ETV6: variants seen among roughly 807,000 people sequenced by gnomAD.
The protein encoded by ETV6 is transcription factor ETV6.
A neutral mutation model predicts 51.1 loss-of-function variants in ETV6; 16 were observed. The ratio of observed to expected loss-of-function variants is 0.31; its 90% CI spans 0.21 to 0.48. The LOEUF (loss-of-function observed/expected upper bound fraction) is 0.48, where lower values mean the gene tolerates loss of function less well. Among genes scored for constraint, ETV6 ranks in the 20% least tolerant of loss-of-function variants. The probability of loss-of-function intolerance (pLI) is 0.99; values close to 1 mark genes in which losing one functional copy is unlikely to be tolerated. For missense variants in ETV6, 458 were observed against 594.8 expected, an observed-to-expected ratio of 0.77 and a Z score of 2.39; for synonymous variants, 240 against 224.1, an observed-to-expected ratio of 1.07 and a Z score of -0.64.
chr12:11,753,961 G>C (rs1391677535), intron 2 of ETV6, among the ~76,000 whole-genome samples: 2 of 152,188 alleles, frequency 1.3e-5, no homozygotes, highest in Non-Finnish European at 2.9e-5. Context: ...GAACTGTAAA[G>C]GTGCCAGGGT....
Position 11,892,209 on chromosome 12 carries a change from G to GTTTTTTTTTTTTT in ETV6, c.*1163_*1164insTTTTTTTTTTTTT, listed in dbSNP as rs1947301452. 6.3e-6 allele frequency: 1 copy of GTTTTTTTTTTTTT among 159,718 alleles called. No individual in the cohort carries two copies. Among genetic ancestry groups the GTTTTTTTTTTTTT allele is most frequent in the African/African-American group, 4.1e-5 (1 of 24,342 alleles). The allele number at this position is 159,718 out of a possible 1,614,324, so 9.9% of individuals were successfully genotyped here. A position where few individuals can be genotyped will look rare whatever the true frequency, so the allele number is the denominator to read the frequency against. On this transcript the variant is annotated 3_prime_UTR_variant, in exon 8 of 8. Transcript: ENST00000396373. ...TGTGGTCAGTTTCATGCCCTCACCT[G>GTTTTTTTTTTTTT]ATTTTTTTTTTTTTTTTTTTTTTTC...
intron 1 of ETV6, among the ~76,000 whole-genome samples, chr12:11,721,567 G>C (rs572798093): frequency 1.7e-3 from 256 of 152,248 alleles, no homozygotes; most frequent in African/African-American, 6.0e-3. Context: ...TAAACACTGT[G>C]GACTACTAGA....
At chr12:11,736,296 A>G (rs1321808002) in intron 1 of ETV6, among the ~76,000 whole-genome samples, 7 of 152,232 alleles carry the variant, frequency 4.6e-5, no homozygotes, top group African/African-American at 1.7e-4. Flanking sequence ...GCAGTCTTAA[A>G]AAACACACAC....
At chr12:11,864,155 T>A (rs914548921) in intron 4 of ETV6, among the ~76,000 whole-genome samples, 3 of 152,128 alleles carry the variant, frequency 2.0e-5, no homozygotes, top group African/African-American at 7.2e-5. Flanking sequence ...GAGAGTGAAA[T>A]CTCTCCAGGA....
chr12:11,844,238 T>A (rs1044793822), intron 3 of ETV6, among the ~76,000 whole-genome samples: 2 of 152,156 alleles, frequency 1.3e-5, no homozygotes, highest in African/African-American at 4.8e-5. Context: ...CACAAGTTAT[T>A]ATCAATTTAA....
chr12:11,817,685 C>A (rs1173366498), intron 2 of ETV6, among the ~76,000 whole-genome samples: 1 of 152,298 alleles, frequency 6.6e-6, no homozygotes, highest in East Asian at 1.9e-4. Flanking sequence ...ACACACAGCA[C>A]CCCGAGGCCT....
chr12:11,738,897 A>G (rs570803066), intron 1 of ETV6, among the ~76,000 whole-genome samples: 2 of 152,244 alleles, frequency 1.3e-5, no homozygotes, highest in African/African-American at 4.8e-5. Flanking sequence ...TGGCTGCGCA[A>G]CGTTTTTTAG....
At chr12:11,865,607 G>T (rs1946780495) in intron 4 of ETV6, among the ~76,000 whole-genome samples, 1 of 146,658 alleles carries the variant, frequency 6.8e-6, no homozygotes, top group South Asian at 2.1e-4. Flanking sequence ...TATTAGCGTA[G>T]GCTTATATAT....
At chr12:11,695,658 T>G (rs953732282) in intron 1 of ETV6, among the ~76,000 whole-genome samples, 2 of 152,244 alleles carry the variant, frequency 1.3e-5, no homozygotes, top group African/African-American at 4.8e-5. Flanking sequence ...TTGAGGAGTT[T>G]CCAGCTCTCG....
intron 3 of ETV6, among the ~76,000 whole-genome samples, chr12:11,848,707 A>G (rs1397954102): frequency 6.6e-6 from 1 of 152,008 alleles, no homozygotes; most frequent in Non-Finnish European, 1.5e-5. Flanking sequence ...TCTTTCTAGA[A>G]CTCTTCCCAG....
chr12:11,886,136 A>C, intron 7 of ETV6, 110 bp downstream of exon 7: 3 of 753,794 alleles, frequency 4.0e-6, no homozygotes, highest in Non-Finnish European at 4.6e-6. Context: ...CGGATACCCA[A>C]AGCCAATCAT....
At chr12:11,827,070 T>TCACA (rs55959869) in intron 2 of ETV6, among the ~76,000 whole-genome samples, 24,903 of 144,782 alleles carry the variant, frequency 0.17, 2,351 homozygotes, top group East Asian at 0.36. Context: ...GAAGTCTGTC[T>TCACA]CACACACACA....
chr12:11,750,659 G>A (rs1391360302), intron 1 of ETV6, among the ~76,000 whole-genome samples: 1 of 152,112 alleles, frequency 6.6e-6, no homozygotes, highest in Admixed American at 6.5e-5. Context: ...AGTGGGATTT[G>A]GGGGGTGTCA....
chr12:11,849,924 T>C (rs1026758752), intron 3 of ETV6, among the ~76,000 whole-genome samples: 6 of 152,158 alleles, frequency 3.9e-5, no homozygotes, highest in African/African-American at 1.4e-4. Context: ...GTCCGCATGG[T>C]GGTGATGTGT....
chr12:11,816,009 G>T (rs373360389), intron 2 of ETV6, among the ~76,000 whole-genome samples: 1 of 152,118 alleles, frequency 6.6e-6, no homozygotes, highest in Non-Finnish European at 1.5e-5. Flanking sequence ...AGGAATATCC[G>T]TATATTTTGA....
chr12:11,850,935 T>C (rs1946544053), intron 3 of ETV6, among the ~76,000 whole-genome samples: 1 of 152,250 alleles, frequency 6.6e-6, no homozygotes, highest in Non-Finnish European at 1.5e-5. Flanking sequence ...GGGAGCAGTG[T>C]GTGCACCAAA....
chr12:11,655,226 T>C (rs951241992), intron 1 of ETV6, among the ~76,000 whole-genome samples: 3 of 152,246 alleles, frequency 2.0e-5, no homozygotes, highest in Non-Finnish European at 4.4e-5. Flanking sequence ...AGAAATGACA[T>C]GTTTGTTCTA....
intron 1 of ETV6, among the ~76,000 whole-genome samples, chr12:11,721,477 C>T (rs1865385494): frequency 1.3e-5 from 2 of 152,146 alleles, no homozygotes; most frequent in South Asian, 4.1e-4. Context: ...AATGCAGGAA[C>T]AGAAAACCAA....
intron 1 of ETV6, among the ~76,000 whole-genome samples, chr12:11,720,727 TGGGAAC>T (rs1313153667): frequency 6.6e-6 from 1 of 152,014 alleles, no homozygotes; most frequent in Non-Finnish European, 1.5e-5. Flanking sequence ...AATTGACAAG[TGGGAAC>T]TAATTAAACT....
Sources: allele counts gnomAD v4.1 joint callset (sites outside exome capture counted in the v4.1 genomes callset), GRCh38; gene constraint gnomAD v4.1.1; transcripts MANE v1.5; gene names NCBI Gene and HGNC (gene_info 2026-07-23, HGNC 2026-07-21).